The following GSE1 variants were observed in gnomAD, a reference collection of about 807,000 sequenced individuals.
GSE1 encodes Gse1 coiled-coil protein.
A neutral mutation model predicts 112.6 loss-of-function variants in GSE1; 32 were observed. The ratio of observed to expected loss-of-function variants is 0.28; its 90% CI spans 0.21 to 0.38. The LOEUF (loss-of-function observed/expected upper bound fraction) is 0.38. Ranked by LOEUF, GSE1 falls within the 10% of genes least tolerant of loss-of-function variation. The pLI, the probability that GSE1 is intolerant of heterozygous loss-of-function variation, is 1.00. For synonymous variants in GSE1, 1,115 were observed against 735.6 expected (o/e 1.52, Z -8.35); for missense variants, 2,348 against 1,699.2 (o/e 1.38, Z -6.71).
intron 2 of GSE1, among the ~76,000 whole-genome samples, chr16:85,537,073 G>A (rs934569368): frequency 6.6e-6 from 1 of 152,244 alleles, no homozygotes; most frequent in Non-Finnish European, 1.5e-5. Context: ...GAAGGCTCCA[G>A]TGAAGCCGAG....
intron 14 of GSE1, among the ~76,000 whole-genome samples, chr16:85,669,658 T>C (rs901777002): frequency 6.6e-6 from 1 of 152,236 alleles, no homozygotes; most frequent in Non-Finnish European, 1.5e-5. Flanking sequence ...TTTGTAGGTT[T>C]TTTGGTGTGG....
chr16:85,449,726 G>A (rs1232045959), intron 2 of GSE1, among the ~76,000 whole-genome samples: 1 of 152,246 alleles, frequency 6.6e-6, no homozygotes, highest in African/African-American at 2.4e-5. Context: ...GGGCCAGCAT[G>A]CCTGGGGTTT....
intron 1 of GSE1, among the ~76,000 whole-genome samples, chr16:85,352,961 T>A (rs11641103): frequency 6.6e-6 from 1 of 152,038 alleles, no homozygotes; most frequent in Non-Finnish European, 1.5e-5. Context: ...CACTGATACC[T>A]AGGCCAGGCA....
chr16:85,184,124 G>C (rs2074652388), intron 1 of GSE1, among the ~76,000 whole-genome samples: 1 of 152,220 alleles, frequency 6.6e-6, no homozygotes, highest in Non-Finnish European at 1.5e-5. Flanking sequence ...AGGCTTCTGA[G>C]GATCCTCTGC....
chr16:85,328,031 T>C (rs2046261447), intron 1 of GSE1, among the ~76,000 whole-genome samples: 1 of 152,262 alleles, frequency 6.6e-6, no homozygotes, highest in Non-Finnish European at 1.5e-5. Context: ...CCCCAGGTCA[T>C]GTCCCAGAAG....
chr16:85,182,079 C>T (rs776122717), intron 1 of GSE1, among the ~76,000 whole-genome samples: 1 of 152,208 alleles, frequency 6.6e-6, no homozygotes, highest in Non-Finnish European at 1.5e-5. Context: ...GGCTGCGCGG[C>T]ATCCCCAGCA....
At position 85,311,015 on chromosome 16, in the gene GSE1, C is replaced by T. The variant is rs2151481364; in HGVS notation, c.2284-46448C>T. Among the ~76,000 whole-genome samples the T allele has an allele frequency of 2.0e-5, 3 of 152,336 alleles. No homozygotes were observed. The East Asian group carries it at 5.8e-4, about 29-fold the overall frequency. ...GGAGCAGTTTGAGGCTAAATATAAACCCAGCCGCCTTTCCGCGGCCGTCAG... is the reference window on the plus strand; with the variant it reads ...GGAGCAGTTTGAGGCTAAATATAAATCCAGCCGCCTTTCCGCGGCCGTCAG... On this transcript the variant is annotated intron_variant, in intron 1 of 2. Transcript: ENST00000637419. This position sits in a 1 kb window ranked among gnomAD's most constrained non-coding sequence, Gnocchi z 4.2.
chr16:85,476,285 G>A (rs1267569238), intron 2 of GSE1, among the ~76,000 whole-genome samples: 4 of 152,192 alleles, frequency 2.6e-5, no homozygotes, highest in Non-Finnish European at 4.4e-5. Flanking sequence ...GGAGACCTGG[G>A]ATGGCGCTCA....
intron 1 of GSE1, among the ~76,000 whole-genome samples, chr16:85,629,037 G>A (rs1054833726): frequency 6.6e-6 from 1 of 152,134 alleles, no homozygotes; most frequent in Non-Finnish European, 1.5e-5. Context: ...CGCAAGATCT[G>A]GGTGTTTAAA....
intron 14 of GSE1, chr16:85,670,497 T>C (rs886069087): frequency 4.6e-5 from 7 of 152,270 alleles, no homozygotes; most frequent in African/African-American, 1.7e-4. Context: ...ATCCAGATTG[T>C]GAGCACTTTC....
Position 85,408,632 on chromosome 16 carries a change from C to T in GSE1, c.2464+50989C>T, listed in dbSNP as rs2048387033. ...TACTCTCAGGCCCCCCTGGATAATC[C>T]TCACTGTTGAACTTAGGGCCCCCCG... On this transcript the variant is annotated intron_variant, in intron 2 of 2. Coordinates refer to the GSE1 transcript ENST00000637419. Among the ~76,000 whole-genome samples the T allele has an allele frequency of 5.8e-5, 2 of 34,208 alleles. 1 individual carries two copies. Among genetic ancestry groups the T allele is most frequent in the Non-Finnish European group, 1.1e-4 (2 of 17,536 alleles). 22.4% of individuals were successfully genotyped at this position (34,208 alleles called of 152,430 possible). A position where few individuals can be genotyped will look rare whatever the true frequency, so the allele number is the denominator to read the frequency against.
chr16:85,224,249 GGGA>G (rs143533050), intron 1 of GSE1, among the ~76,000 whole-genome samples: 25,029 of 140,316 alleles, frequency 0.18, 2,512 homozygotes, highest in East Asian at 0.23. Context: ...GAGAAGGCGA[GGGA>G]GGAGGAGGGT....
chr16:85,485,158 C>T (rs1049328976), intron 2 of GSE1, among the ~76,000 whole-genome samples: 2 of 152,258 alleles, frequency 1.3e-5, no homozygotes, highest in South Asian at 2.1e-4. Context: ...GCAGCGTTCA[C>T]GCCACCACAC....
chr16:85,337,307 C>CTTTTTTT (rs750709031), intron 1 of GSE1, among the ~76,000 whole-genome samples: 1 of 133,524 alleles, frequency 7.5e-6, no homozygotes, highest in Non-Finnish European at 1.6e-5. Context: ...CTTTTCTTTT[C>CTTTTTTT]TTTTTTTTTT....
chr16:85,274,529 G>A (rs76172728), intron 1 of GSE1, among the ~76,000 whole-genome samples: 2,558 of 152,346 alleles, frequency 0.017, 76 homozygotes, highest in African/African-American at 0.06. Flanking sequence ...TTTGCTACCT[G>A]TCAGGTTTAG....
intron 1 of GSE1, among the ~76,000 whole-genome samples, chr16:85,616,969 T>A (rs952862002): frequency 6.6e-6 from 1 of 152,186 alleles, no homozygotes; most frequent in South Asian, 2.1e-4. Flanking sequence ...CGGGGGCCTT[T>A]TAATCTTGCT....
intron 1 of GSE1, among the ~76,000 whole-genome samples, chr16:85,234,354 A>G (rs916371536): frequency 6.6e-6 from 1 of 152,120 alleles, no homozygotes; most frequent in African/African-American, 2.4e-5. Context: ...TGGTCTGTAC[A>G]GTGGGGATCA....
upstream of GSE1, among the ~76,000 whole-genome samples, chr16:85,612,507 C>G (rs983567043): frequency 7.2e-5 from 11 of 152,180 alleles, no homozygotes; most frequent in African/African-American, 2.4e-4. Flanking sequence ...AATGATCCCC[C>G]TGGCGAAGCG....
Position 85,661,408 on chromosome 16 carries a change from G to A in GSE1, c.1903G>A (p.Glu635Lys). ...VERVFCPEKA[E>K]EGPRKREPAP... ...GCGGGTCTTCTGCCCGGAGAAAGCA[G>A]AGGAGGGGCCACGGAAGCGTGAGCC... Residue 635 changes from glutamate (E) to lysine (K), a missense_variant, in exon 9 of 16, where the codon GAG (glutamate) becomes AAG (lysine). Physicochemically the swap from Glu to Lys is moderately conservative, Grantham distance 56. Coordinates refer to ENST00000253458, the MANE Select transcript of GSE1 (RefSeq NM_014615.5). 1 of 1,612,360 alleles carries A rather than the reference G, an allele frequency of 6.2e-7. No homozygotes were observed. The highest frequency in any genetic ancestry group is 8.5e-7 in the Non-Finnish European group (1 of 1,179,758).
Sources: gnomAD v4.1 joint callset for allele counts (sites outside exome capture counted in the v4.1 genomes callset) on GRCh38, gnomAD v4.1.1 for gene constraint, Gnocchi (gnomAD v3.1) non-coding constraint, MANE v1.5 for transcripts, NCBI Gene and HGNC (gene_info 2026-07-23, HGNC 2026-07-21) for gene names.